TRIQK: variants seen among roughly 807,000 people sequenced by gnomAD.
The protein encoded by TRIQK is triple QxxK/R motif-containing protein.
A neutral mutation model predicts 10.8 loss-of-function variants in TRIQK; 10 were observed. The observed-to-expected ratio is 0.92, with a 90% CI of 0.57 to 1.57. The LOEUF (loss-of-function observed/expected upper bound fraction) is 1.57. TRIQK is among the 40% of genes most tolerant of loss of function. The probability of loss-of-function intolerance (pLI) is 0.00; values close to 1 mark genes in which losing one functional copy is unlikely to be tolerated. For missense variants in TRIQK, 107 were observed against 97.7 expected (o/e 1.09, Z -0.40); for synonymous variants, 33 against 33.7 (o/e 0.98, Z 0.07).
chr8:92,975,786 T>G (rs1424045306), intron 1 of TRIQK, among the ~76,000 whole-genome samples: 1 of 152,008 alleles, frequency 6.6e-6, no homozygotes, highest in East Asian at 1.9e-4. Context: ...ATTTTCTGTC[T>G]TTTCTAATAT....
At chr8:92,934,623 C>A (rs949003165) in intron 2 of TRIQK, among the ~76,000 whole-genome samples, 1 of 151,910 alleles carries the variant, frequency 6.6e-6, no homozygotes, top group East Asian at 1.9e-4. Flanking sequence ...GGTCTATATC[C>A]AATTTCATAG....
intron 2 of TRIQK, among the ~76,000 whole-genome samples, chr8:92,949,126 T>C (rs1811699513): frequency 2.0e-5 from 3 of 152,238 alleles, no homozygotes; most frequent in African/African-American, 7.2e-5. Flanking sequence ...TGCTAATCTC[T>C]CTCTGAGCCT....
intron 1 of TRIQK, among the ~76,000 whole-genome samples, chr8:92,985,272 AAC>A (rs1813021028): frequency 6.6e-6 from 1 of 152,150 alleles, no homozygotes. Flanking sequence ...ACATGCACAA[AAC>A]ACAGAGAGAG....
intron 1 of TRIQK, among the ~76,000 whole-genome samples, chr8:92,982,715 T>C (rs1477071792): frequency 6.6e-6 from 1 of 152,056 alleles, no homozygotes; most frequent in Non-Finnish European, 1.5e-5. Context: ...TGGGAGACAT[T>C]ATATTCTTTT....
At chr8:92,997,414 C>T (rs1220370142) in intron 1 of TRIQK, among the ~76,000 whole-genome samples, 3 of 151,942 alleles carry the variant, frequency 2.0e-5, no homozygotes, top group Non-Finnish European at 4.4e-5. Context: ...GGATTTAGGA[C>T]GTTAGGTTAC....
intron 1 of TRIQK, chr8:92,974,083 A>G (rs1812904693): frequency 1.3e-5 from 2 of 152,240 alleles, no homozygotes; most frequent in Non-Finnish European, 2.9e-5. Flanking sequence ...AGCAACCTAC[A>G]TGGTTGTCAC....
upstream of TRIQK, among the ~76,000 whole-genome samples, chr8:92,966,374 T>C (rs1812751320): frequency 6.6e-6 from 1 of 152,216 alleles, no homozygotes; most frequent in Non-Finnish European, 1.5e-5. Flanking sequence ...ATATGTTATT[T>C]TGATTATTGA....
chr8:92,988,660 G>C (rs1159927273), intron 1 of TRIQK, among the ~76,000 whole-genome samples: 1 of 152,076 alleles, frequency 6.6e-6, no homozygotes, highest in Admixed American at 6.5e-5. Flanking sequence ...TAAAAAATTG[G>C]TCAACTCAGA....
Position 93,003,472 on chromosome 8 carries a change from C to T in TRIQK, c.-181+14137G>A, listed in dbSNP as rs538611565. ...CTCCCACTCCCACTATTTCCCTCCC[C>T]CATCACTGGCAATTACAATTCAACA... On this transcript the variant is annotated intron_variant, in intron 1 of 4. Coordinates refer to the TRIQK transcript ENST00000520686. Among the ~76,000 whole-genome samples the T allele has an allele frequency of 1.2e-4, 19 of 152,270 alleles. No homozygotes were observed. The South Asian group carries it at 3.9e-3, about 32-fold the overall frequency.
chr8:92,941,065 A>ATTAT (rs1237353905), intron 2 of TRIQK: 3 of 151,920 alleles, frequency 2.0e-5, no homozygotes, highest in African/African-American at 2.4e-5. Flanking sequence ...AAATTTATTT[A>ATTAT]TTATTTATTT....
intron 1 of TRIQK, among the ~76,000 whole-genome samples, chr8:93,009,181 A>T (rs1177172092): frequency 6.6e-6 from 1 of 152,256 alleles, no homozygotes; most frequent in Non-Finnish European, 1.5e-5. Context: ...ATCTTAATAG[A>T]TATTTCTCCA....
In TRIQK at chr8:92,899,605, A is replaced by G. The variant is rs191371506; in HGVS notation, c.62-7531T>C. Among the ~76,000 whole-genome samples the G allele has an allele frequency of 1.9e-3, 291 of 152,306 alleles. 1 individual carries two copies. The highest frequency in any genetic ancestry group is 3.5e-3 in the Non-Finnish European group (238 of 68,016). Reference sequence around the variant, plus strand: ...TCTCATTCTTTTTTCATGGATGAACAGTACTTCATTGTGTATAAGTAACAC... The same window carrying G: ...TCTCATTCTTTTTTCATGGATGAACGGTACTTCATTGTGTATAAGTAACAC... On this transcript the variant is annotated intron_variant, in intron 3 of 4. Transcript: ENST00000521988.
At chr8:92,894,359 T>C (rs1170933899) in intron 3 of TRIQK, among the ~76,000 whole-genome samples, 1 of 152,050 alleles carries the variant, frequency 6.6e-6, no homozygotes, top group Non-Finnish European at 1.5e-5. Context: ...CATTTAAATA[T>C]TTATGGCTTC....
At chr8:93,009,241 A>T (rs899786137) in intron 1 of TRIQK, among the ~76,000 whole-genome samples, 6 of 152,228 alleles carry the variant, frequency 3.9e-5, no homozygotes, top group Admixed American at 3.9e-4. Context: ...GTTCAACATT[A>T]CTAATCAACA....
intron 2 of TRIQK, among the ~76,000 whole-genome samples, chr8:92,944,853 A>G (rs1680190108): frequency 6.6e-6 from 1 of 152,188 alleles, no homozygotes; most frequent in African/African-American, 2.4e-5. Context: ...GAGAATTTTG[A>G]ATGTTCTCAC....
At chr8:92,913,263 T>A (rs1809661014) in intron 3 of TRIQK, among the ~76,000 whole-genome samples, 1 of 151,998 alleles carries the variant, frequency 6.6e-6, no homozygotes, top group African/African-American at 2.4e-5. Context: ...CACCAGGAAC[T>A]TAAACAAATT....
At chr8:92,980,461 A>G (rs1988989244) in intron 1 of TRIQK, among the ~76,000 whole-genome samples, 1 of 151,948 alleles carries the variant, frequency 6.6e-6, no homozygotes, top group Non-Finnish European at 1.5e-5. Context: ...AGGTAGCTTC[A>G]TCTCATTTTC....
At chr8:92,941,749 C>T (rs1280720596) in intron 2 of TRIQK, among the ~76,000 whole-genome samples, 1 of 151,972 alleles carries the variant, frequency 6.6e-6, no homozygotes. Flanking sequence ...GAAAAGAAGG[C>T]ATTGCACTGA....
chr8:92,928,221 T>G (rs1208858366), intron 2 of TRIQK, among the ~76,000 whole-genome samples: 1 of 152,144 alleles, frequency 6.6e-6, no homozygotes, highest in Non-Finnish European at 1.5e-5. Flanking sequence ...TTAACAGGAA[T>G]GTGTAGTATC....
Sources: gnomAD v4.1 joint callset for allele counts (sites outside exome capture counted in the v4.1 genomes callset) on GRCh38, gnomAD v4.1.1 for gene constraint, MANE v1.5 for transcripts, NCBI Gene and HGNC (gene_info 2026-07-23, HGNC 2026-07-21) for gene names.